Variants in DPP10 observed in about 807,000 individuals in gnomAD.
DPP10 encodes dipeptidyl peptidase like 10.
A neutral mutation model predicts 120.9 loss-of-function variants in DPP10; 33 were observed. The ratio of observed to expected loss-of-function variants is 0.27; its 90% confidence interval spans 0.21 to 0.37. The LOEUF is 0.37. Ranked by LOEUF, DPP10 falls within the 10% of genes least tolerant of loss-of-function variation. The pLI, the probability that DPP10 is intolerant of heterozygous loss-of-function variation, is 1.00. For missense variants in DPP10, 816 were observed against 942.8 expected (o/e 0.87, Z 1.76); for synonymous variants, 337 against 326.1 (o/e 1.03, Z -0.36).
At chr2:115,760,470 A>G (rs897924246) in intron 11 of DPP10, among the ~76,000 whole-genome samples, 6 of 152,254 alleles carry the variant, frequency 3.9e-5, no homozygotes, top group African/African-American at 1.4e-4. Context: ...TAAAGATCCT[A>G]TAACTTGATG....
intron 1 of DPP10, among the ~76,000 whole-genome samples, chr2:114,447,855 T>A (rs1367177): frequency 1.3e-5 from 2 of 152,034 alleles, no homozygotes; most frequent in Non-Finnish European, 2.9e-5. Context: ...TAAGGATATT[T>A]TATGTGTGTG....
At chr2:115,650,795 G>T (rs1036238426) in intron 5 of DPP10, among the ~76,000 whole-genome samples, 1 of 151,964 alleles carries the variant, frequency 6.6e-6, no homozygotes, top group African/African-American at 2.4e-5. Flanking sequence ...AGCATTGAAG[G>T]AGAAAGAGGA....
intron 1 of DPP10, among the ~76,000 whole-genome samples, chr2:114,641,830 C>T (rs1695729541): frequency 1.3e-5 from 2 of 151,754 alleles, no homozygotes; most frequent in Admixed American, 1.3e-4. Flanking sequence ...GCTTATAGAT[C>T]ATAATTAAAT....
chr2:115,596,466 T>C (rs758816795), intron 5 of DPP10, among the ~76,000 whole-genome samples: 4 of 152,114 alleles, frequency 2.6e-5, no homozygotes, highest in Non-Finnish European at 5.9e-5. Flanking sequence ...CATATGTGCT[T>C]ATAAATGTGT....
chr2:115,309,505 A>G, intron 2 of DPP10, 152 bp downstream of exon 2: 1 of 638,188 alleles, frequency 1.6e-6, no homozygotes, highest in Non-Finnish European at 2.6e-6. Flanking sequence ...ACATTTTGCA[A>G]ATGGCACAGT....
chr2:115,132,888 A>T (rs755397780), intron 1 of DPP10, among the ~76,000 whole-genome samples: 2 of 151,730 alleles, frequency 1.3e-5, no homozygotes, highest in Non-Finnish European at 2.9e-5. Context: ...ATACCTAAAA[A>T]CTCTGTGCAG....
intron 5 of DPP10, among the ~76,000 whole-genome samples, chr2:115,581,230 G>T (rs1173402458): frequency 6.6e-6 from 1 of 152,126 alleles, no homozygotes; most frequent in Non-Finnish European, 1.5e-5. Flanking sequence ...CTATGGAAAA[G>T]AATTTGATTT....
intron 5 of DPP10, among the ~76,000 whole-genome samples, chr2:115,633,225 T>C (rs2086034511): frequency 1.3e-5 from 2 of 152,158 alleles, no homozygotes; most frequent in South Asian, 2.1e-4. Flanking sequence ...ATGTGGCACA[T>C]ATACACCATG....
chr2:114,783,819 A>G (rs546310862), intron 1 of DPP10, among the ~76,000 whole-genome samples: 1 of 152,016 alleles, frequency 6.6e-6, no homozygotes, highest in Admixed American at 6.5e-5. Context: ...GGGTGACAGA[A>G]TAAGACGCTC....
intron 1 of DPP10, chr2:115,161,834 C>T: frequency 1.0e-6 from 1 of 980,988 alleles, no homozygotes; most frequent in Non-Finnish European, 1.4e-6. Context: ...CCGCTCCCCC[C>T]ACCCCGTCCC....
chr2:114,657,490 T>C lies in DPP10; in HGVS notation c.60+214652T>C, dbSNP rs147874411. ...ATAAATTCAGCTTGTCAGCTCCATA[T>C]ACTAATTACTGTCAATGGTTTTCTT... On this transcript the variant is annotated intron_variant, in intron 1 of 25. Transcript: ENST00000410059. 7.2e-5 allele frequency among the ~76,000 whole-genome samples: 11 copies of C among 152,340 alleles called. No homozygotes were observed. The East Asian group carries it at 2.1e-3, about 29-fold the overall frequency.
chr2:114,790,659 G>A (rs925098705), intron 1 of DPP10, among the ~76,000 whole-genome samples: 5 of 151,970 alleles, frequency 3.3e-5, no homozygotes, highest in East Asian at 3.9e-4. Flanking sequence ...GTTCTCTGGC[G>A]GGCAGGAGTG....
chr2:114,731,659 G>C (rs1361505542), intron 1 of DPP10, among the ~76,000 whole-genome samples: 1 of 152,162 alleles, frequency 6.6e-6, no homozygotes, highest in Non-Finnish European at 1.5e-5. Flanking sequence ...AGAACTGACT[G>C]GGAAATAGGT....
rs374179473 is a variant in DPP10, at chr2:115,376,648, C to T, written c.271+32736C>T. Among the ~76,000 whole-genome samples, 75 of 150,492 alleles carry T rather than the reference C, an allele frequency of 5.0e-4. No homozygotes were observed. In the East Asian group the frequency reaches 0.014, roughly 28 times the overall value. On this transcript the variant is annotated intron_variant, in intron 3 of 25. Coordinates refer to ENST00000410059, the MANE Select transcript of DPP10 (RefSeq NM_020868.6). Reference sequence around the variant, plus strand: ...CATGTGCCATGCTGGTGCGCTGCACCCACTAACTCGTCATCTAGCATTAGG... The same window carrying T: ...CATGTGCCATGCTGGTGCGCTGCACTCACTAACTCGTCATCTAGCATTAGG...
intron 1 of DPP10, among the ~76,000 whole-genome samples, chr2:115,053,281 G>T (rs2105353768): frequency 6.6e-6 from 1 of 152,280 alleles, no homozygotes; most frequent in Non-Finnish European, 1.5e-5. Flanking sequence ...ATATTATTCA[G>T]CCACAAAAAG....
At chr2:114,528,489 G>C (rs1685692495) in intron 1 of DPP10, among the ~76,000 whole-genome samples, 1 of 151,850 alleles carries the variant, frequency 6.6e-6, no homozygotes, top group Non-Finnish European at 1.5e-5. Flanking sequence ...CTAGGATGAG[G>C]GTCAAGGCAG....
chr2:115,770,089 C>T (rs1203317770), intron 13 of DPP10, among the ~76,000 whole-genome samples: 2 of 151,948 alleles, frequency 1.3e-5, no homozygotes, highest in African/African-American at 4.8e-5. Context: ...CTGTAGGTAC[C>T]CTGCTGTGCT....
At position 114,749,619 on chromosome 2, in the gene DPP10, C is replaced by A. The variant is rs543746963; in HGVS notation, c.60+306781C>A. On this transcript the variant is annotated intron_variant, in intron 1 of 25. Coordinates refer to ENST00000410059, the MANE Select transcript of DPP10 (RefSeq NM_020868.6). The stretch of plus-strand genomic sequence containing the variant: ...TTTTATTTTTTGAGACAGAGTCTCA[C>A]TCTGTCGCCCAGGCTAGAGTGCAGC... 3.1e-4 allele frequency among the ~76,000 whole-genome samples: 27 copies of A among 86,384 alleles called. No homozygotes were observed. In the South Asian group the frequency reaches 0.011, roughly 35 times the overall value. The allele number at this position is 86,384 out of a possible 152,430, so 56.7% of individuals were successfully genotyped here.
intron 1 of DPP10, among the ~76,000 whole-genome samples, chr2:114,811,946 C>A (rs1362715585): frequency 2.0e-5 from 3 of 152,190 alleles, no homozygotes; most frequent in Non-Finnish European, 4.4e-5. Context: ...GACCTTGTAT[C>A]TCTGCTCTGT....
Sources: gnomAD v4.1 joint callset for allele counts (sites outside exome capture counted in the v4.1 genomes callset) on GRCh38, gnomAD v4.1.1 for gene constraint, MANE v1.5 for transcripts, NCBI Gene and HGNC (gene_info 2026-07-23, HGNC 2026-07-21) for gene names.